The following OCA2 variants were observed in gnomAD, a reference collection of about 807,000 sequenced individuals.
OCA2 encodes P protein.
A neutral mutation model predicts 100.2 loss-of-function variants in OCA2; 77 were observed. That is an observed-to-expected ratio of 0.77 (90% CI 0.64 to 0.93). The LOEUF is 0.93. OCA2 is among the 40% of genes least tolerant of loss of function. OCA2 has a pLI of 0.00. For synonymous variants in OCA2, 432 were observed against 439.2 expected, an observed-to-expected ratio of 0.98 and a Z score of 0.21; for missense variants, 1,062 against 1,089.1, an observed-to-expected ratio of 0.98 and a Z score of 0.35.
At chr15:27,749,540 G>C in the OCA2 span, among the ~76,000 whole-genome samples, 1 of 152,072 alleles carries the variant, frequency 6.6e-6, no homozygotes, top group African/African-American at 2.4e-5. Context: ...TGAGAAGGCA[G>C]AAATGAAAAT....
intron 18 of OCA2, among the ~76,000 whole-genome samples, chr15:27,949,354 G>A (rs527277980): frequency 6.6e-6 from 1 of 152,270 alleles, no homozygotes; most frequent in South Asian, 2.1e-4. Context: ...AACTTACACA[G>A]CAGGACACAT....
At chr15:27,919,867 G>A (rs2038795621) in intron 19 of OCA2, among the ~76,000 whole-genome samples, 1 of 152,186 alleles carries the variant, frequency 6.6e-6, no homozygotes, top group Non-Finnish European at 1.5e-5. Context: ...GGGAAGCTAT[G>A]CATGTGTGGG....
chr15:28,089,862 A>G (rs1252827550), intron 1 of OCA2, among the ~76,000 whole-genome samples: 4 of 152,214 alleles, frequency 2.6e-5, no homozygotes, highest in Admixed American at 1.3e-4. Flanking sequence ...TACCTGGGTG[A>G]CAGGTTCAGT....
At chr15:28,071,128 C>T (rs2044245914) in intron 2 of OCA2, among the ~76,000 whole-genome samples, 1 of 140,874 alleles carries the variant, frequency 7.1e-6, no homozygotes, top group South Asian at 2.4e-4. Flanking sequence ...TGCCAAATCC[C>T]CCTCTGTGAG....
At chr15:28,041,236 CATT>C (rs2043191473) in intron 2 of OCA2, among the ~76,000 whole-genome samples, 1 of 135,862 alleles carries the variant, frequency 7.4e-6, no homozygotes, top group Non-Finnish European at 1.5e-5. Context: ...ATGAAATACA[CATT>C]AACACAGTAA....
chr15:27,849,526 G>T, intron 22 of OCA2, among the ~76,000 whole-genome samples: 1 of 133,930 alleles, frequency 7.5e-6, no homozygotes, highest in African/African-American at 3.0e-5. Flanking sequence ...AAAAAATACT[G>T]GGGTCAGACC....
intron 1 of OCA2, among the ~76,000 whole-genome samples, chr15:28,094,710 C>A (rs1042684901): frequency 2.0e-5 from 3 of 152,212 alleles, no homozygotes; most frequent in Admixed American, 1.3e-4. Flanking sequence ...TCGGGCCCTG[C>A]GAGGTGGGGG....
At chr15:28,089,743 G>A (rs72714121) in intron 1 of OCA2, among the ~76,000 whole-genome samples, 2 of 152,014 alleles carry the variant, frequency 1.3e-5, no homozygotes, top group African/African-American at 2.4e-5. Context: ...ACAGTATATG[G>A]GTTCACATGG....
At position 27,955,149 on chromosome 15, in the gene OCA2, G is replaced by A; in HGVS notation, c.1842+9C>T. On this transcript the variant is annotated intron_variant, in intron 17 of 23. Coordinates refer to ENST00000354638, the MANE Select transcript of OCA2 (RefSeq NM_000275.3). Reference sequence around the variant, plus strand: ...AATCAGAAATCCCTGAGGAAAGAAAGCTGGGTACCTTTTTTTGGAGTTCTT... The same window carrying A: ...AATCAGAAATCCCTGAGGAAAGAAAACTGGGTACCTTTTTTTGGAGTTCTT... 3 of 1,602,552 alleles carry A rather than the reference G, an allele frequency of 1.9e-6. No individual in the cohort carries two copies. The highest frequency in any genetic ancestry group is 2.2e-5 in the East Asian group (1 of 44,832).
At chr15:27,831,353 A>T (rs1445589597) in intron 23 of OCA2, among the ~76,000 whole-genome samples, 1 of 150,830 alleles carries the variant, frequency 6.6e-6, no homozygotes, top group East Asian at 1.9e-4. Flanking sequence ...AATAAAGCTC[A>T]GTAATGGAGC....
chr15:27,760,140 T>G (rs1297099901), intron 23 of OCA2, among the ~76,000 whole-genome samples: 2 of 151,864 alleles, frequency 1.3e-5, no homozygotes, highest in African/African-American at 2.4e-5. Context: ...ATATTATACT[T>G]CTAAATAATT....
the OCA2 span, among the ~76,000 whole-genome samples, chr15:27,728,297 C>T: frequency 6.6e-6 from 1 of 151,974 alleles, no homozygotes; most frequent in Non-Finnish European, 1.5e-5. Flanking sequence ...TGGTCTCAAG[C>T]AGTTTTGAAA....
intron 4 of OCA2, among the ~76,000 whole-genome samples, chr15:28,025,398 A>G (rs1354861702): frequency 5.3e-5 from 8 of 152,196 alleles, no homozygotes; most frequent in Non-Finnish European, 1.5e-5. Flanking sequence ...TCCTTAGGCG[A>G]TAACTTAATT....
intron 2 of OCA2, among the ~76,000 whole-genome samples, chr15:28,032,792 C>CAAAAAAA (rs34369918): frequency 1.9e-5 from 2 of 107,546 alleles, no homozygotes; most frequent in African/African-American, 3.4e-5. Context: ...GACTCTGTCT[C>CAAAAAAA]AAAAAAAAAA....
chr15:27,944,531 G>A (rs556021191), intron 18 of OCA2, among the ~76,000 whole-genome samples: 54 of 152,136 alleles, frequency 3.5e-4, no homozygotes, highest in Non-Finnish European at 6.2e-4. Context: ...AGATAACATC[G>A]CTATTGGAGA....
chr15:28,013,632 T>C (rs1812926065), intron 9 of OCA2, among the ~76,000 whole-genome samples: 1 of 152,096 alleles, frequency 6.6e-6, no homozygotes, highest in South Asian at 2.1e-4. Context: ...CTCTGGCTGC[T>C]GGAGGGAGGG....
At chr15:27,947,680 G>A (rs1321969686) in intron 18 of OCA2, among the ~76,000 whole-genome samples, 1 of 152,188 alleles carries the variant, frequency 6.6e-6, no homozygotes, top group Non-Finnish European at 1.5e-5. Context: ...TGACCAATGG[G>A]CCATGCGCAC....
intron 6 of OCA2, among the ~76,000 whole-genome samples, chr15:28,020,512 A>T (rs1004254306): frequency 6.6e-6 from 1 of 152,106 alleles, no homozygotes; most frequent in African/African-American, 2.4e-5. Context: ...CCTGCGGGAA[A>T]GTCCTGCCCA....
At chr15:27,961,005 G>C (rs1168275973) in intron 15 of OCA2, among the ~76,000 whole-genome samples, 2 of 151,830 alleles carry the variant, frequency 1.3e-5, no homozygotes, top group African/African-American at 4.8e-5. Flanking sequence ...TACCATCAGA[G>C]TGAACAGGCA....
Sources: allele counts gnomAD v4.1 joint callset (sites outside exome capture counted in the v4.1 genomes callset), GRCh38; gene constraint gnomAD v4.1.1; transcripts MANE v1.5; gene names NCBI Gene and HGNC (gene_info 2026-07-23, HGNC 2026-07-21).